Variants in CNOT6L observed in about 807,000 individuals in gnomAD.
CNOT6L encodes CCR4-NOT transcription complex subunit 6 like.
Under a neutral mutation model 64.0 loss-of-function variants are expected in CNOT6L, and 7 were observed. That is an observed-to-expected ratio of 0.11 (90% confidence interval 0.06 to 0.21). The LOEUF (loss-of-function observed/expected upper bound fraction) is 0.21. Among genes scored for constraint, CNOT6L ranks in the 10% least tolerant of loss-of-function variants. CNOT6L has a pLI of 1.00. For missense variants in CNOT6L, 245 were observed against 669.0 expected, an observed-to-expected ratio of 0.37 and a Z score of 6.99; for synonymous variants, 193 against 243.4, an observed-to-expected ratio of 0.79 and a Z score of 1.93.
Position 77,718,063 on chromosome 4 carries a change from T to TTAAC in CNOT6L, c.*2364_*2367dup, listed in dbSNP as rs1191168192. On this transcript the variant is annotated 3_prime_UTR_variant, in exon 12 of 12. Coordinates refer to ENST00000504123, the MANE Select transcript of CNOT6L (RefSeq NM_144571.3). ...TTTTTTTTATTTTTTCCCTCTACAT[T>TTAAC]TAACTATTAAAAAAGTTTTTTATTA... The TTAAC allele has an allele frequency of 6.6e-6, 1 of 152,514 alleles. No individual in the cohort carries two copies. The highest frequency in any genetic ancestry group is 1.5e-5 in the Non-Finnish European group (1 of 68,004). The allele number at this position is 152,514 out of a possible 1,614,324, so 9.4% of individuals were successfully genotyped here. A position where few individuals can be genotyped will look rare whatever the true frequency, so the allele number is the denominator to read the frequency against.
chr4:77,800,626 T>A (rs752166077), intron 1 of CNOT6L, among the ~76,000 whole-genome samples: 6 of 152,340 alleles, frequency 3.9e-5, no homozygotes, highest in Non-Finnish European at 8.8e-5. Flanking sequence ...TTATACAATA[T>A]TTTAATGTTA....
chr4:77,790,396 A>G (rs1729990201), intron 1 of CNOT6L, among the ~76,000 whole-genome samples: 2 of 152,198 alleles, frequency 1.3e-5, no homozygotes, highest in East Asian at 1.9e-4. Flanking sequence ...TTGTGTAGAC[A>G]TAAGTTTTTT....
chr4:77,776,349 G>A lies in CNOT6L; in HGVS notation c.49C>T (p.Arg17Cys), dbSNP rs1170252639. 10 of 1,608,702 alleles carry A rather than the reference G, an allele frequency of 6.2e-6. No individual in the cohort carries two copies. Among genetic ancestry groups the A allele is most frequent in the East Asian group, 2.2e-5 (1 of 44,792 alleles). Residue 17 changes from arginine (R) to cysteine (C), a missense_variant, in exon 2 of 12, where the codon CGC (arginine) becomes TGC (cysteine). Arg to Cys is a radical substitution (Grantham distance 180). Coordinates refer to ENST00000504123, the MANE Select transcript of CNOT6L (RefSeq NM_144571.3). ...GCTGACATGATGGTATAAATTCTGC[G>A]AGGATCTGGAGGATCATATTTTTCC... ...PKEKYDPPDP[R>C]RIYTIMSAEE...
chr4:77,746,572 G>C (rs907463380), intron 6 of CNOT6L, among the ~76,000 whole-genome samples: 2 of 152,146 alleles, frequency 1.3e-5, no homozygotes, highest in Non-Finnish European at 2.9e-5. Context: ...AGATTACTTT[G>C]AGAATTCAGC....
intron 6 of CNOT6L, among the ~76,000 whole-genome samples, chr4:77,747,234 C>T (rs1724298110): frequency 6.6e-6 from 1 of 152,106 alleles, no homozygotes; most frequent in Admixed American, 6.5e-5. Flanking sequence ...AAAATCTTGG[C>T]TCACTGTATG....
chr4:77,773,200 A>G, intron 3 of CNOT6L, 34 bp from the exon 4 acceptor site: 1 of 1,301,040 alleles, frequency 7.7e-7, no homozygotes, highest in Admixed American at 2.6e-5. Flanking sequence ...TTAGTTTAAT[A>G]TACTAAGTTT....
chr4:77,786,784 T>C (rs1464218367), intron 1 of CNOT6L, among the ~76,000 whole-genome samples: 1 of 151,862 alleles, frequency 6.6e-6, no homozygotes, highest in Non-Finnish European at 1.5e-5. Flanking sequence ...CTAAAAATAT[T>C]TTTAAAAAAG....
chr4:77,740,141 G>A (rs1032123985), intron 8 of CNOT6L, among the ~76,000 whole-genome samples: 1 of 151,982 alleles, frequency 6.6e-6, no homozygotes, highest in Non-Finnish European at 1.5e-5. Flanking sequence ...AGGCTGAGGC[G>A]GGTGGATTGC....
chr4:77,744,876 C>G lies in CNOT6L; in HGVS notation c.560-1G>C. 6.3e-7 allele frequency: 1 copy of G among 1,583,962 alleles called. No homozygotes were observed. The highest frequency in any genetic ancestry group is 8.6e-7 in the Non-Finnish European group (1 of 1,169,110). ...TTGTAACACATAACCGTGAATGATG[C>G]TAAGAAGTGGGAGAAAAAACAACAG... On this transcript the variant is annotated splice_acceptor_variant, in intron 6 of 11. Coordinates refer to ENST00000504123, the MANE Select transcript of CNOT6L (RefSeq NM_144571.3). LOFTEE classifies it high-confidence loss of function.
At chr4:77,815,919 G>A (rs149100077) in intron 1 of CNOT6L, among the ~76,000 whole-genome samples, 2 of 152,242 alleles carry the variant, frequency 1.3e-5, no homozygotes, top group Non-Finnish European at 2.9e-5. Context: ...ATCTGCACTG[G>A]AACTGTCATG....
Position 77,725,785 on chromosome 4 carries a change from C to T in CNOT6L, c.1455+382G>A, listed in dbSNP as rs536308640. ...CATTCAAAGTGAGTTTTGCTATATT[C>T]GGTGCTTTTCTGTGGGGGGCGGGAG... On this transcript the variant is annotated intron_variant, in intron 11 of 11. Coordinates refer to ENST00000504123, the MANE Select transcript of CNOT6L (RefSeq NM_144571.3). Among the ~76,000 whole-genome samples the T allele has an allele frequency of 4.9e-4, 74 of 151,206 alleles. 1 individual carries two copies. The highest frequency in any genetic ancestry group is 2.7e-4 in the African/African-American group (11 of 41,308).
At chr4:77,770,692 C>CTGGT (rs1346773177) in intron 4 of CNOT6L, among the ~76,000 whole-genome samples, 1 of 152,184 alleles carries the variant, frequency 6.6e-6, no homozygotes, top group East Asian at 1.9e-4. Context: ...TGAAGCAGAG[C>CTGGT]TGGTGTCTGA....
intron 6 of CNOT6L, among the ~76,000 whole-genome samples, chr4:77,746,220 T>C (rs1014621765): frequency 3.9e-5 from 6 of 152,190 alleles, no homozygotes; most frequent in African/African-American, 1.2e-4. Context: ...TTTTATAATA[T>C]AGCCAAAACT....
At chr4:77,773,459 C>G (rs1727825762) in intron 3 of CNOT6L, among the ~76,000 whole-genome samples, 1 of 152,072 alleles carries the variant, frequency 6.6e-6, no homozygotes, top group Non-Finnish European at 1.5e-5. Context: ...CCCCTTTTTT[C>G]TCACCCAAAA....
Position 77,789,657 on chromosome 4 carries a change from C to T in CNOT6L, c.6-13265G>A, listed in dbSNP as rs137997937. ...CCTGGGCGACAGAGGGAAACCCCGC[C>T]TCAAAAAAAAAAGCCAAGCATGATG... On this transcript the variant is annotated intron_variant, in intron 1 of 11. Coordinates refer to ENST00000504123, the MANE Select transcript of CNOT6L (RefSeq NM_144571.3). Among the ~76,000 whole-genome samples the T allele has an allele frequency of 5.3e-3, 797 of 149,996 alleles. 5 individuals are homozygous for T. The highest frequency in any genetic ancestry group is 0.011 in the South Asian group (54 of 4,746).
intron 4 of CNOT6L, among the ~76,000 whole-genome samples, chr4:77,767,965 G>A (rs1330508851): frequency 7.1e-6 from 1 of 140,368 alleles, no homozygotes; most frequent in Non-Finnish European, 1.5e-5. Flanking sequence ...GGGCGACAGA[G>A]CGAGACTTTG....
intron 1 of CNOT6L, among the ~76,000 whole-genome samples, chr4:77,795,061 C>T (rs577747199): frequency 6.7e-6 from 1 of 148,674 alleles, no homozygotes; most frequent in African/African-American, 2.5e-5. Context: ...CTCTTGTTGC[C>T]TAGGCTGGAG....
intron 5 of CNOT6L, among the ~76,000 whole-genome samples, chr4:77,755,185 T>C (rs899341207): frequency 2.8e-5 from 4 of 142,836 alleles, no homozygotes; most frequent in Admixed American, 2.8e-4. Flanking sequence ...AGCACACACA[T>C]ATGGCTGGAT....
rs891819054 is a variant in CNOT6L at position 77,716,671 on chromosome 4, T to C, written c.*3760A>G. 2.0e-5 allele frequency: 3 copies of C among 152,520 alleles called. No individual in the cohort carries two copies. Among genetic ancestry groups the C allele is most frequent in the Non-Finnish European group, 4.4e-5 (3 of 68,008 alleles). The allele number at this position is 152,520 out of a possible 1,614,324, so 9.4% of individuals were successfully genotyped here. ...ACCATAGAATCAAGTGATATGAGCC[T>C]TAGATATCTTTCAACTTTCTCCCTT... On this transcript the variant is annotated 3_prime_UTR_variant, in exon 12 of 12. Transcript: ENST00000504123.
Sources: gnomAD v4.1 joint callset for allele counts (sites outside exome capture counted in the v4.1 genomes callset) on GRCh38, gnomAD v4.1.1 for gene constraint, MANE v1.5 for transcripts, NCBI Gene and HGNC (gene_info 2026-07-23, HGNC 2026-07-21) for gene names.